ZNF438: variants seen among roughly 807,000 people sequenced by gnomAD.
ZNF438 encodes the protein zinc finger protein 438.
Under a neutral mutation model 38.0 loss-of-function variants are expected in ZNF438, and 25 were observed. That is an observed-to-expected ratio of 0.66 (90% CI 0.48 to 0.92). The LOEUF is 0.92. Ranked by LOEUF, ZNF438 falls within the 40% of genes least tolerant of loss-of-function variation. The pLI is 0.00. For missense variants in ZNF438, 1,007 were observed against 999.6 expected (o/e 1.01, Z -0.10); for synonymous variants, 372 against 364.1 (o/e 1.02, Z -0.25).
intron 3 of ZNF438, among the ~76,000 whole-genome samples, chr10:30,907,600 GT>G (rs750745655): frequency 2.0e-5 from 3 of 151,894 alleles, no homozygotes; most frequent in African/African-American, 2.4e-5. Context: ...GGTAGTTTTT[GT>G]TTTTTAGGAA....
intron 1 of ZNF438, among the ~76,000 whole-genome samples, chr10:31,007,330 G>C (rs904431110): frequency 7.5e-6 from 1 of 133,770 alleles, no homozygotes; most frequent in Admixed American, 8.4e-5. Flanking sequence ...TGCCCTGGCT[G>C]AAGTGCAGTG....
At chr10:30,931,999 T>C (rs1001967101) in intron 2 of ZNF438, among the ~76,000 whole-genome samples, 1 of 152,154 alleles carries the variant, frequency 6.6e-6, no homozygotes, top group Non-Finnish European at 1.5e-5. Context: ...AGGAGACAAG[T>C]AGGAAGACTT....
intron 3 of ZNF438, among the ~76,000 whole-genome samples, chr10:30,902,119 G>T (rs1027094327): frequency 6.6e-6 from 1 of 152,136 alleles, no homozygotes; most frequent in South Asian, 2.1e-4. Flanking sequence ...CCACAGTGTG[G>T]AAGACTACCT....
At position 31,005,747 on chromosome 10, in the gene ZNF438, T is replaced by C. The variant is rs542283858; in HGVS notation, c.-192+26086A>G. Among the ~76,000 whole-genome samples, 6 of 152,312 alleles carry C rather than the reference T, an allele frequency of 3.9e-5. No individual in the cohort carries two copies. In the East Asian group the frequency reaches 9.6e-4, roughly 24 times the overall value. On this transcript the variant is annotated intron_variant, in intron 1 of 5. Transcript: ENST00000413025. ...TGTATACATCAAAACATCATATACG[T>C]TAAATATATACAATAAAAAAATAGG...
At chr10:30,946,577 A>T (rs899715251) in intron 1 of ZNF438, among the ~76,000 whole-genome samples, 14 of 152,366 alleles carry the variant, frequency 9.2e-5, no homozygotes, top group African/African-American at 3.1e-4. Context: ...CTATGCAGCC[A>T]AAAAACACAT....
chr10:30,985,190 T>C (rs2052633222), intron 1 of ZNF438, among the ~76,000 whole-genome samples: 1 of 152,140 alleles, frequency 6.6e-6, no homozygotes, highest in South Asian at 2.1e-4. Flanking sequence ...AAAGTATACC[T>C]AGGCAGGAGC....
intron 1 of ZNF438, among the ~76,000 whole-genome samples, chr10:31,005,497 A>C (rs1185268506): frequency 3.3e-5 from 5 of 152,082 alleles, no homozygotes; most frequent in African/African-American, 9.7e-5. Flanking sequence ...GATGGTAAAC[A>C]GGGGTGGACG....
chr10:30,902,607 A>C (rs1396170720), intron 3 of ZNF438, among the ~76,000 whole-genome samples: 5 of 152,056 alleles, frequency 3.3e-5, no homozygotes, highest in Non-Finnish European at 7.4e-5. Flanking sequence ...TACCCACCAG[A>C]TTAGCTAGAC....
chr10:30,956,162 G>C (rs2048840770), intron 1 of ZNF438, among the ~76,000 whole-genome samples: 1 of 152,122 alleles, frequency 6.6e-6, no homozygotes, highest in Non-Finnish European at 1.5e-5. Context: ...TGAAGCAAGA[G>C]TGGGATTACA....
At position 30,854,463 on chromosome 10, in the gene ZNF438, G is replaced by A. The variant is rs182349447; in HGVS notation, c.38-4096C>T. Among the ~76,000 whole-genome samples the A allele has an allele frequency of 3.2e-3, 486 of 152,172 alleles. 5 individuals are homozygous for A. Among genetic ancestry groups the A allele is most frequent in the Admixed American group, 8.0e-3 (123 of 15,294 alleles). On this transcript the variant is annotated intron_variant, in intron 4 of 5. Coordinates refer to ENST00000413025, the Ensembl canonical transcript of ZNF438. Reference sequence around the variant, plus strand: ...TAAATATTTGTTGAATTTTTAAAGTGGTAATAGAGTGATCAATGAGAAAAA... The same window carrying A: ...TAAATATTTGTTGAATTTTTAAAGTAGTAATAGAGTGATCAATGAGAAAAA...
chr10:30,852,771 G>A (rs933487521), intron 4 of ZNF438, among the ~76,000 whole-genome samples: 3 of 152,230 alleles, frequency 2.0e-5, no homozygotes, highest in Non-Finnish European at 4.4e-5. Flanking sequence ...ATCAGACAAA[G>A]ATAATTATGT....
chr10:30,927,405 AG>A (rs908205478), intron 2 of ZNF438, among the ~76,000 whole-genome samples: 36 of 152,342 alleles, frequency 2.4e-4, no homozygotes, highest in African/African-American at 7.7e-4. Context: ...AAAATGGGCA[AG>A]GAAGAACCTT....
chr10:30,874,147 T>TATACATAC (rs2038026192), intron 4 of ZNF438, among the ~76,000 whole-genome samples: 2 of 76,844 alleles, frequency 2.6e-5, no homozygotes, highest in African/African-American at 1.5e-4. Context: ...TATATATATA[T>TATACATAC]ATATATATAT....
chr10:31,005,026 C>T (rs1046773204), intron 1 of ZNF438, among the ~76,000 whole-genome samples: 8 of 152,114 alleles, frequency 5.3e-5, no homozygotes, highest in South Asian at 2.1e-4. Flanking sequence ...CAGATCAGTG[C>T]GGCCACTGTG....
intron 3 of ZNF438, among the ~76,000 whole-genome samples, chr10:30,882,902 G>A (rs902312383): frequency 4.1e-4 from 63 of 152,064 alleles, no homozygotes; most frequent in African/African-American, 1.4e-3. Flanking sequence ...GGTAAATATT[G>A]GGAAAAAATT....
At chr10:30,848,397 G>A (rs147732656) in intron 5 of ZNF438, 134 bp downstream of exon 6, 3 of 1,006,482 alleles carry the variant, frequency 3.0e-6, no homozygotes, top group South Asian at 3.4e-5. Flanking sequence ...GATCTAGGAG[G>A]TATACATAGC....
intron 1 of ZNF438, among the ~76,000 whole-genome samples, chr10:30,980,267 A>AC (rs920631690): frequency 4.0e-5 from 6 of 151,708 alleles, no homozygotes; most frequent in South Asian, 2.1e-4. Flanking sequence ...AAAAAAAAAA[A>AC]AAAACACCTT....
At chr10:31,030,488 C>A (rs1469147630) in intron 1 of ZNF438, among the ~76,000 whole-genome samples, 2 of 152,214 alleles carry the variant, frequency 1.3e-5, no homozygotes, top group South Asian at 2.1e-4. Context: ...TTTGCACTCT[C>A]GTGATCTCAT....
At chr10:31,027,684 A>T (rs2057030465) in intron 1 of ZNF438, among the ~76,000 whole-genome samples, 1 of 152,142 alleles carries the variant, frequency 6.6e-6, no homozygotes. Context: ...AATAAAGACT[A>T]ATCATTTCAA....
Sources: gnomAD v4.1 joint callset for allele counts (sites outside exome capture counted in the v4.1 genomes callset) on GRCh38, gnomAD v4.1.1 for gene constraint, MANE v1.5 for transcripts, NCBI Gene and HGNC (gene_info 2026-07-23, HGNC 2026-07-21) for gene names.